Variants in TMEM117 observed in about 807,000 individuals in gnomAD.
The protein encoded by TMEM117 is transmembrane protein 117.
In TMEM117, 27 loss-of-function variants were observed where a neutral mutation model predicts 52.4. The observed-to-expected ratio is 0.51, with a 90% confidence interval of 0.38 to 0.71. The LOEUF (loss-of-function observed/expected upper bound fraction) is 0.71, where lower values mean the gene tolerates loss of function less well. Ranked by LOEUF, TMEM117 falls within the 30% of genes least tolerant of loss-of-function variation. TMEM117 has a pLI of 0.00. For synonymous variants in TMEM117, 215 were observed against 206.3 expected, an observed-to-expected ratio of 1.04 and a Z score of -0.36; for missense variants, 556 against 630.5, an observed-to-expected ratio of 0.88 and a Z score of 1.26.
chr12:44,250,218 G>A (rs1032462260), intron 5 of TMEM117, among the ~76,000 whole-genome samples: 2 of 151,452 alleles, frequency 1.3e-5, no homozygotes, highest in Non-Finnish European at 2.9e-5. Flanking sequence ...CATTTATGTG[G>A]CCAACAAACA....
chr12:44,098,743 T>A (rs941776867), intron 3 of TMEM117, among the ~76,000 whole-genome samples: 1 of 152,112 alleles, frequency 6.6e-6, no homozygotes, highest in Admixed American at 6.5e-5. Flanking sequence ...ACACTCAAAA[T>A]CTGTGTTAAC....
intron 5 of TMEM117, among the ~76,000 whole-genome samples, chr12:44,229,727 AAGATATCCTTTGGG>A (rs1949909350): frequency 6.6e-6 from 1 of 152,106 alleles, no homozygotes; most frequent in African/African-American, 2.4e-5. Context: ...TCCCCTGTTT[AAGATATCCTTTGGG>A]AGCCATAATT....
chr12:43,833,908 T>C (rs1007885121), upstream of TMEM117, among the ~76,000 whole-genome samples: 4 of 151,346 alleles, frequency 2.6e-5, no homozygotes, highest in African/African-American at 9.7e-5. Context: ...GCCTGGACAA[T>C]GTGGCAAAAC....
rs543578579 is a variant in TMEM117 at position 43,992,296 on chromosome 12, G to T, written c.410+47954G>T. Among the ~76,000 whole-genome samples the T allele has an allele frequency of 2.4e-4, 37 of 151,966 alleles. 2 individuals carry two copies. Among genetic ancestry groups the T allele is most frequent in the South Asian group, 1.9e-3 (9 of 4,806 alleles). ...TAATTAATTTGTTTAATTTAGAGAT[G>T]AGGTCTCACTGTATTGCCCAGGTTA... On this transcript the variant is annotated intron_variant, in intron 3 of 7. Transcript: ENST00000266534.
intron 3 of TMEM117, among the ~76,000 whole-genome samples, chr12:43,982,483 C>G (rs909714249): frequency 7.2e-5 from 11 of 152,102 alleles, no homozygotes; most frequent in African/African-American, 2.7e-4. Flanking sequence ...TGTTTTCTAA[C>G]CTTTTTTTTT....
At chr12:44,260,868 G>A (rs1024554746) in intron 5 of TMEM117, among the ~76,000 whole-genome samples, 1 of 152,156 alleles carries the variant, frequency 6.6e-6, no homozygotes, top group East Asian at 1.9e-4. Context: ...ATCTTAATCA[G>A]ACTCCACAAG....
At chr12:44,201,227 G>C (rs1949491815) in intron 4 of TMEM117, among the ~76,000 whole-genome samples, 1 of 152,080 alleles carries the variant, frequency 6.6e-6, no homozygotes, top group Non-Finnish European at 1.5e-5. Flanking sequence ...AAGAAACATA[G>C]AAGAAAGAAA....
the TMEM117 span, among the ~76,000 whole-genome samples, chr12:43,803,941 T>A: frequency 6.6e-6 from 1 of 152,108 alleles, no homozygotes; most frequent in Non-Finnish European, 1.5e-5. Flanking sequence ...CTGCCTGATT[T>A]AAAAGATTCT....
At chr12:44,053,517 C>T (rs1361444498) in intron 3 of TMEM117, among the ~76,000 whole-genome samples, 1 of 152,130 alleles carries the variant, frequency 6.6e-6, no homozygotes, top group Non-Finnish European at 1.5e-5. Context: ...TTGGTTAAAT[C>T]ATTGGCCATG....
chr12:44,376,582 T>TTTTC lies in TMEM117; in HGVS notation c.769-11_769-8dup. On this transcript the variant is annotated splice_polypyrimidine_tract_variant and intron_variant, in intron 6 of 7. Coordinates refer to ENST00000266534, the MANE Select transcript of TMEM117 (RefSeq NM_032256.3). ...ACGAATCACAAATGTTTTTATTTGA[T>TTTTC]TTTCTCTGACAGGACTGGGAATTCC... 3 of 1,587,568 alleles carry TTTTC rather than the reference T, an allele frequency of 1.9e-6. No individual in the cohort carries two copies. The highest frequency in any genetic ancestry group is 2.6e-6 in the Non-Finnish European group (3 of 1,169,974).
intron 3 of TMEM117, among the ~76,000 whole-genome samples, chr12:43,945,721 G>A (rs1271431737): frequency 2.0e-5 from 3 of 152,196 alleles, no homozygotes; most frequent in Non-Finnish European, 4.4e-5. Flanking sequence ...TTTGTTGTGT[G>A]TTGAAATAGT....
chr12:43,918,471 C>A lies in TMEM117; in HGVS notation c.278-25739C>A, dbSNP rs138280687. On this transcript the variant is annotated intron_variant, in intron 2 of 7. Transcript: ENST00000266534. ...ACAACCAGTCTCACCTGAGAATCAC[C>A]GCCTAAGCAAAAGGTTATTTCACCA... is the stretch of plus-strand genomic sequence containing the variant. Among the ~76,000 whole-genome samples, 12 of 152,256 alleles carry A rather than the reference C, an allele frequency of 7.9e-5. No individual in the cohort carries two copies. The South Asian group carries it at 1.9e-3, about 24-fold the overall frequency.
In TMEM117 at chr12:44,051,882, C is replaced by T. The variant is rs145425821; in HGVS notation, c.411-91643C>T. Among the ~76,000 whole-genome samples the T allele has an allele frequency of 1.9e-3, 291 of 152,194 alleles. 6 individuals are homozygous for T. The East Asian group carries it at 0.047, about 25-fold the overall frequency. On this transcript the variant is annotated intron_variant, in intron 3 of 7. Transcript: ENST00000266534. ...ACCATCATTATGCAATTTGTCAATA[C>T]GATTTTAAAAACCTGTATGCAGTGG... is the stretch of plus-strand genomic sequence containing the variant.
Position 44,388,163 on chromosome 12 carries a change from T to A in TMEM117, c.1036T>A (p.Ser346Thr). The A allele has an allele frequency of 6.2e-7, 1 of 1,613,236 alleles. No individual in the cohort carries two copies. The highest frequency in any genetic ancestry group is 1.3e-5 in the African/African-American group (1 of 74,952). The change falls in exon 8 of 8, where the codon TCA becomes ACA. Residue 346 changes from serine (S) to threonine (T), a missense_variant. Coordinates refer to ENST00000266534, the MANE Select transcript of TMEM117 (RefSeq NM_032256.3). ...GCAGAAGATATATACAGTGAAAGAC[T>A]CAGAAAGTTTAAAAGATTTGAACAG... ...PGQKIYTVKD[S>T]ESLKDLNRTK...
intron 3 of TMEM117, among the ~76,000 whole-genome samples, chr12:44,083,389 GT>G (rs1160025038): frequency 0.074 from 5,939 of 80,330 alleles, 268 homozygotes; most frequent in African/African-American, 0.21. Flanking sequence ...GGTATTGTTA[GT>G]TTTTTTTTTT....
chr12:43,853,930 A>G (rs1265370265), intron 2 of TMEM117, among the ~76,000 whole-genome samples: 4 of 152,182 alleles, frequency 2.6e-5, no homozygotes, highest in Non-Finnish European at 4.4e-5. Flanking sequence ...TGGGGTAGAA[A>G]GTGTGAGCAA....
intron 5 of TMEM117, among the ~76,000 whole-genome samples, chr12:44,277,894 G>C (rs949380714): frequency 1.3e-5 from 2 of 151,152 alleles, no homozygotes; most frequent in African/African-American, 4.9e-5. Flanking sequence ...CTCCTGAGTA[G>C]CTGGGATTAC....
chr12:44,111,664 T>A (rs1948057627), intron 3 of TMEM117, among the ~76,000 whole-genome samples: 1 of 135,846 alleles, frequency 7.4e-6, no homozygotes, highest in South Asian at 2.3e-4. Context: ...GGTGTGGTGC[T>A]GAGAAAAATG....
chr12:44,138,975 A>G (rs185709094), intron 3 of TMEM117, among the ~76,000 whole-genome samples: 1 of 152,244 alleles, frequency 6.6e-6, no homozygotes, highest in Non-Finnish European at 1.5e-5. Flanking sequence ...TTTCACTTTA[A>G]TGCCTTAAGA....
Sources: allele counts gnomAD v4.1 joint callset (sites outside exome capture counted in the v4.1 genomes callset), GRCh38; gene constraint gnomAD v4.1.1; transcripts MANE v1.5; gene names NCBI Gene and HGNC (gene_info 2026-07-23, HGNC 2026-07-21).